The following VPS29 variants were observed in gnomAD, a reference collection of about 807,000 sequenced individuals.
The protein encoded by VPS29 is vacuolar protein sorting-associated protein 29.
A neutral mutation model predicts 20.0 loss-of-function variants in VPS29; 2 were observed. The observed-to-expected ratio is 0.10, with a 90% CI of 0.04 to 0.31. The LOEUF (loss-of-function observed/expected upper bound fraction) is 0.31. Among genes scored for constraint, VPS29 ranks in the 10% least tolerant of loss-of-function variants. The probability of loss-of-function intolerance (pLI) is 1.00; values close to 1 mark genes in which losing one functional copy is unlikely to be tolerated. For synonymous variants in VPS29, 81 were observed against 79.3 expected (o/e 1.02, Z -0.12); for missense variants, 120 against 215.3 (o/e 0.56, Z 2.77).
intron 1 of VPS29, 48 bp downstream of exon 1, chr12:110,502,001 C>A: frequency 6.2e-7 from 1 of 1,613,070 alleles, no homozygotes; most frequent in South Asian, 1.1e-5. Context: ...AACAACGCAG[C>A]ACCCCACCCG....
intron 1 of VPS29, among the ~76,000 whole-genome samples, chr12:110,499,810 T>C (rs920023896): frequency 8.5e-5 from 13 of 152,200 alleles, no homozygotes; most frequent in African/African-American, 1.2e-4. Flanking sequence ...TAAATTTGTC[T>C]TGTCAGTTTC....
intron 1 of VPS29, chr12:110,498,963 C>A (rs1353147589): frequency 4.7e-6 from 2 of 425,876 alleles, no homozygotes; most frequent in Non-Finnish European, 6.3e-6. Flanking sequence ...ACAACAACAA[C>A]AACCACCACC....
chr12:110,501,870 G>T, intron 1 of VPS29, 179 bp downstream of exon 1: 1 of 1,451,632 alleles, frequency 6.9e-7, no homozygotes. Context: ...CGCACCCAGA[G>T]GTGGCCGCTC....
intron 1 of VPS29, among the ~76,000 whole-genome samples, chr12:110,500,030 C>A (rs1336474889): frequency 6.6e-6 from 1 of 152,146 alleles, no homozygotes; most frequent in African/African-American, 2.4e-5. Context: ...ATCTTACATT[C>A]AAAATTCTAG....
At chr12:110,501,665 T>C in intron 1 of VPS29, 1 of 1,519,354 alleles carries the variant, frequency 6.6e-7, no homozygotes, top group Non-Finnish European at 8.8e-7. Flanking sequence ...GAGGTGCTTT[T>C]TGCGGGAAAC....
At chr12:110,498,010 C>T (rs1225160012) in intron 1 of VPS29, among the ~76,000 whole-genome samples, 2 of 146,166 alleles carry the variant, frequency 1.4e-5, no homozygotes, top group South Asian at 2.2e-4. Context: ...TTGCTCTCGT[C>T]GCCCAGGCTG....
rs982705709 is a variant in VPS29, at chr12:110,500,797, C to T, written c.3+1252G>A. ...CAGCAGCAAGATTTATTGTGAAGAG[C>T]GAAAGAACAAAGCTTACACAGGGTG... On this transcript the variant is annotated intron_variant, in intron 1 of 3. Coordinates refer to ENST00000549578, the MANE Select transcript of VPS29 (RefSeq NM_016226.5). 3.4e-5 allele frequency among the ~76,000 whole-genome samples: 5 copies of T among 148,520 alleles called. No individual in the cohort carries two copies. The East Asian group carries it at 9.8e-4, about 29-fold the overall frequency.
intron 1 of VPS29, chr12:110,499,560 A>G (rs749207782): frequency 4.4e-6 from 7 of 1,606,310 alleles, no homozygotes; most frequent in African/African-American, 4.0e-5. Context: ...AGTGGAATGA[A>G]GAAGTTGATT....
At chr12:110,498,264 G>A (rs1292603575) in intron 1 of VPS29, among the ~76,000 whole-genome samples, 6 of 152,048 alleles carry the variant, frequency 3.9e-5, no homozygotes, top group South Asian at 2.1e-4. Context: ...GAGCCACTGC[G>A]CCCAGCCCAA....
intron 2 of VPS29, among the ~76,000 whole-genome samples, chr12:110,495,224 AAG>A (rs2062885784): frequency 4.6e-5 from 7 of 152,192 alleles, no homozygotes; most frequent in Admixed American, 2.6e-4. Context: ...TTGAGAAAGG[AAG>A]CCACAGGAGG....
In VPS29 at chr12:110,495,984, T is replaced by C. The variant is rs758103911; in HGVS notation, c.195+28A>G. 6 of 1,474,458 alleles carry C rather than the reference T, an allele frequency of 4.1e-6. No homozygotes were observed. In the South Asian group the frequency reaches 6.0e-5, roughly 15 times the overall value. 91.3% of individuals were successfully genotyped at this position (1,474,458 alleles called of 1,614,324 possible). ...AAGTAATAATCAAGAAAGGGAGATA[T>C]TTGAGAAGGGAAAGGGAAATACATC... On this transcript the variant is annotated intron_variant, in intron 2 of 3. Coordinates refer to ENST00000549578, the MANE Select transcript of VPS29 (RefSeq NM_016226.5).
At chr12:110,501,925 C>A in intron 1 of VPS29, 124 bp downstream of exon 1, 1 of 1,596,782 alleles carries the variant, frequency 6.3e-7, no homozygotes. Flanking sequence ...AGGCCAGCGC[C>A]TGGGCCCTGA....
rs371782876 is a variant in VPS29, at chr12:110,491,993, A to G, written c.*12T>C. On this transcript the variant is annotated 3_prime_UTR_variant, in exon 4 of 4. Coordinates refer to ENST00000549578, the MANE Select transcript of VPS29 (RefSeq NM_016226.5). ...TGAAAAAAAACCAAAAATCATCAAG[A>G]CAGGCCTGGCTTTAAGGTTTTTTGT... 4.4e-6 allele frequency: 7 copies of G among 1,599,920 alleles called. No individual in the cohort carries two copies. The African/African-American group carries it at 9.4e-5, about 21-fold the overall frequency.
intron 1 of VPS29, among the ~76,000 whole-genome samples, chr12:110,500,568 T>C (rs1298982025): frequency 1.3e-5 from 2 of 152,086 alleles, no homozygotes; most frequent in Admixed American, 6.6e-5. Context: ...TGTCTGTAAG[T>C]CCCCCTCTTG....
intron 3 of VPS29, among the ~76,000 whole-genome samples, chr12:110,492,571 A>C (rs953894016): frequency 6.8e-6 from 1 of 148,036 alleles, no homozygotes; most frequent in Non-Finnish European, 1.5e-5. Context: ...CTCTGTCTCA[A>C]AAAAAAAAAA....
At chr12:110,499,583 G>A (rs546167181) in intron 1 of VPS29, 601 of 1,491,002 alleles carry the variant, frequency 4.0e-4, no homozygotes, top group Non-Finnish European at 5.1e-4. Context: ...AGACAGGGGG[G>A]ATGAAAAAAA....
At chr12:110,495,163 A>G (rs1048370547) in intron 2 of VPS29, among the ~76,000 whole-genome samples, 1 of 152,194 alleles carries the variant, frequency 6.6e-6, no homozygotes, top group African/African-American at 2.4e-5. Context: ...AAAGATACAG[A>G]GCAGCTCTAT....
intron 2 of VPS29, among the ~76,000 whole-genome samples, chr12:110,494,304 G>C (rs537886441): frequency 1.3e-5 from 2 of 148,426 alleles, no homozygotes; most frequent in East Asian, 4.0e-4. Context: ...CCAGGATGGA[G>C]TGCAGTGGCG....
At chr12:110,496,987 C>T (rs1038691986) in intron 1 of VPS29, 26 of 152,004 alleles carry the variant, frequency 1.7e-4, no homozygotes, top group African/African-American at 5.5e-4. Flanking sequence ...CATATATCCT[C>T]GGTATAGTTC....
Sources: allele counts gnomAD v4.1 joint callset (sites outside exome capture counted in the v4.1 genomes callset), GRCh38; gene constraint gnomAD v4.1.1; transcripts MANE v1.5; gene names NCBI Gene and HGNC (gene_info 2026-07-23, HGNC 2026-07-21).